The following ZNF536 variants were observed in gnomAD, a reference collection of about 807,000 sequenced individuals.
ZNF536 encodes zinc finger protein 536.
Under a neutral mutation model 84.5 loss-of-function variants are expected in ZNF536, and 13 were observed. The observed-to-expected ratio is 0.15, with a 90% confidence interval of 0.10 to 0.24. The LOEUF (loss-of-function observed/expected upper bound fraction) is 0.24, where lower values mean the gene tolerates loss of function less well. ZNF536 is among the 10% of genes least tolerant of loss of function. ZNF536 has a pLI of 1.00. For missense variants in ZNF536, 1,536 were observed against 1,747.5 expected, an observed-to-expected ratio of 0.88 and a Z score of 2.16; for synonymous variants, 811 against 742.5, an observed-to-expected ratio of 1.09 and a Z score of -1.50.
chr19:30,402,418 A>T (rs574336344), intron 1 of ZNF536, among the ~76,000 whole-genome samples: 4 of 152,302 alleles, frequency 2.6e-5, no homozygotes, highest in African/African-American at 9.6e-5. Context: ...ATTGAAGCTA[A>T]CCTTTTGAAA....
intron 2 of ZNF536, among the ~76,000 whole-genome samples, chr19:30,480,857 G>A (rs2054052332): frequency 1.3e-5 from 2 of 152,092 alleles, no homozygotes; most frequent in South Asian, 4.1e-4. Context: ...CCAACATGGC[G>A]AAACACCATC....
intron 1 of ZNF536, among the ~76,000 whole-genome samples, chr19:30,372,904 C>A (rs186162490): frequency 8.3e-4 from 118 of 141,322 alleles, no homozygotes; most frequent in African/African-American, 2.7e-3. Context: ...AACAAAACAA[C>A]CCACCTGCTT....
chr19:30,356,296 A>G (rs1827051698), intron 3 of ZNF536, among the ~76,000 whole-genome samples: 1 of 152,220 alleles, frequency 6.6e-6, no homozygotes, highest in Non-Finnish European at 1.5e-5. Flanking sequence ...CCTTTTATGT[A>G]ACAGACAAAC....
chr19:30,377,013 C>A (rs562838587), intron 1 of ZNF536, among the ~76,000 whole-genome samples: 7 of 152,292 alleles, frequency 4.6e-5, no homozygotes, highest in African/African-American at 1.7e-4. Flanking sequence ...GGCTGGCAGG[C>A]ATGCTGGGCT....
chr19:30,416,140 TC>T (rs1266066916), intron 1 of ZNF536, among the ~76,000 whole-genome samples: 13 of 152,230 alleles, frequency 8.5e-5, no homozygotes, highest in Non-Finnish European at 4.4e-5. Flanking sequence ...ATATATGCAA[TC>T]AAATTGTGAA....
chr19:30,245,577 C>A (rs2024211726), intron 1 of ZNF536, among the ~76,000 whole-genome samples: 1 of 152,192 alleles, frequency 6.6e-6, no homozygotes, highest in South Asian at 2.1e-4. Context: ...TCCTTTGTTC[C>A]ATTGTTAGAG....
At position 30,444,309 on chromosome 19, in the gene ZNF536, C is replaced by T. The variant is rs2148178535; in HGVS notation, c.747C>T (p.Pro249=). Residue 249 remains proline (P), a synonymous_variant, in exon 2 of 5, where the codon CCC becomes CCT. Transcript: ENST00000355537. ...TLALQANHSV[P]DVAHPVPSPK... ...CCCTGCAGGCTAACCACAGCGTTCC[C>T]GACGTGGCCCACCCGGTGCCCTCGC... is the stretch of plus-strand genomic sequence containing the variant. 1.3e-6 allele frequency: 2 copies of T among 1,583,852 alleles called. No homozygotes were observed. The highest frequency in any genetic ancestry group is 8.5e-7 in the Non-Finnish European group (1 of 1,172,104).
chr19:30,387,771 C>G (rs2049404899), intron 1 of ZNF536, among the ~76,000 whole-genome samples: 1 of 152,220 alleles, frequency 6.6e-6, no homozygotes, highest in Non-Finnish European at 1.5e-5. Flanking sequence ...CACTCCATCG[C>G]TTGGAAACTA....
intron 1 of ZNF536, among the ~76,000 whole-genome samples, chr19:30,582,160 A>G (rs73924788): frequency 0.025 from 3,875 of 152,078 alleles, 175 homozygotes; most frequent in African/African-American, 0.089. Context: ...CAGCTGGGAA[A>G]ACAATGTAAT....
chr19:30,285,905 C>T (rs1026267046), intron 2 of ZNF536, among the ~76,000 whole-genome samples: 48 of 152,324 alleles, frequency 3.2e-4, no homozygotes, highest in Admixed American at 4.6e-4. Flanking sequence ...TCTTGTTGGT[C>T]TAACCTATAG....
At chr19:30,457,135 A>C (rs760921958) in intron 2 of ZNF536, among the ~76,000 whole-genome samples, 1 of 152,014 alleles carries the variant, frequency 6.6e-6, no homozygotes, top group African/African-American at 2.4e-5. Context: ...TAATTCACAG[A>C]GTGAGACAGA....
intron 1 of ZNF536, among the ~76,000 whole-genome samples, chr19:30,438,940 A>T (rs1411594008): frequency 6.6e-6 from 1 of 152,150 alleles, no homozygotes; most frequent in African/African-American, 2.4e-5. Flanking sequence ...CTGGGATTAC[A>T]GGTGTGAGCC....
chr19:30,564,677 T>A (rs945878843), intron 1 of ZNF536, among the ~76,000 whole-genome samples: 19 of 152,096 alleles, frequency 1.2e-4, no homozygotes, highest in African/African-American at 4.6e-4. Flanking sequence ...CTTGCTCCAC[T>A]CCCACCGCCA....
chr19:30,653,579 TG>T (rs1329077954), intron 1 of ZNF536, among the ~76,000 whole-genome samples: 1 of 152,158 alleles, frequency 6.6e-6, no homozygotes, highest in Non-Finnish European at 1.5e-5. Flanking sequence ...CTAGAATGTC[TG>T]GGACAAGAGA....
intron 1 of ZNF536, among the ~76,000 whole-genome samples, chr19:30,420,256 G>T (rs2050896730): frequency 6.6e-6 from 1 of 152,122 alleles, no homozygotes. Flanking sequence ...GATACTTAGG[G>T]GCCAAAATAC....
intron 1 of ZNF536, among the ~76,000 whole-genome samples, chr19:30,617,983 G>A (rs924293514): frequency 2.0e-5 from 3 of 152,154 alleles, no homozygotes; most frequent in Non-Finnish European, 2.9e-5. Context: ...TCTATTTTAA[G>A]CGAATGGAAT....
At chr19:30,324,534 C>A in intron 2 of ZNF536, among the ~76,000 whole-genome samples, 1 of 152,314 alleles carries the variant, frequency 6.6e-6, no homozygotes, top group African/African-American at 2.4e-5. Context: ...AGGCACATGC[C>A]GCCATGCCTG....
At chr19:30,569,706 G>A (rs1237652396) in intron 1 of ZNF536, among the ~76,000 whole-genome samples, 1 of 151,616 alleles carries the variant, frequency 6.6e-6, no homozygotes, top group Non-Finnish European at 1.5e-5. Flanking sequence ...CAGTAGCTGG[G>A]ATTGCAGGCA....
chr19:30,395,028 A>G (rs1182607297), intron 1 of ZNF536, among the ~76,000 whole-genome samples: 2 of 152,160 alleles, frequency 1.3e-5, no homozygotes, highest in Non-Finnish European at 2.9e-5. Flanking sequence ...TTCAGGGTTT[A>G]GTGTAATCCT....
Sources: allele counts gnomAD v4.1 joint callset (sites outside exome capture counted in the v4.1 genomes callset), GRCh38; gene constraint gnomAD v4.1.1; transcripts MANE v1.5; gene names NCBI Gene and HGNC (gene_info 2026-07-23, HGNC 2026-07-21).